The following TSPAN5 variants were observed in gnomAD, a reference collection of about 807,000 sequenced individuals.
TSPAN5 encodes tetraspanin-5.
Under a neutral mutation model 37.1 loss-of-function variants are expected in TSPAN5, and 10 were observed. That is an observed-to-expected ratio of 0.27 (90% CI 0.17 to 0.46). The LOEUF (loss-of-function observed/expected upper bound fraction) is 0.46. TSPAN5 is among the 20% of genes least tolerant of loss of function. The pLI is 1.00. For synonymous variants in TSPAN5, 110 were observed against 118.9 expected, an observed-to-expected ratio of 0.93 and a Z score of 0.48; for missense variants, 195 against 326.6, an observed-to-expected ratio of 0.60 and a Z score of 3.11.
chr4:98,553,736 AT>A (rs1394459943), intron 1 of TSPAN5, among the ~76,000 whole-genome samples: 10 of 152,250 alleles, frequency 6.6e-5, no homozygotes, highest in African/African-American at 1.9e-4. Flanking sequence ...CAAACTTCAG[AT>A]TTCAGCTAAT....
chr4:98,557,252 G>A (rs1754771682), intron 1 of TSPAN5, among the ~76,000 whole-genome samples: 1 of 152,236 alleles, frequency 6.6e-6, no homozygotes, highest in Non-Finnish European at 1.5e-5. Flanking sequence ...TAGGTCTGTG[G>A]TCTCCAAAAA....
At chr4:98,599,626 C>A (rs1227384044) in intron 1 of TSPAN5, among the ~76,000 whole-genome samples, 1 of 152,186 alleles carries the variant, frequency 6.6e-6, no homozygotes, top group Non-Finnish European at 1.5e-5. Flanking sequence ...GATTTGCTTT[C>A]TGTACCTACA....
Position 98,472,553 on chromosome 4 carries a change from C to T in TSPAN5, c.776G>A (p.Ser259Asn). Residue 259 changes from serine (S) to asparagine (N), a missense_variant, in exon 8 of 8, where the codon AGC becomes AAC. Ser to Asn is a conservative substitution (Grantham distance 46). Transcript: ENST00000305798. ...GCTCGCCCTGACAGCTTCGATATCG[C>T]TAACCAAATTCTGGGCCAGGCATAT... ...FGICLAQNLV[S>N]DIEAVRASW 1 of 1,613,996 alleles carries T rather than the reference C, an allele frequency of 6.2e-7. No individual in the cohort carries two copies. Among genetic ancestry groups the T allele is most frequent in the East Asian group, 2.2e-5 (1 of 44,866 alleles).
chr4:98,560,101 A>G (rs1273308807), intron 1 of TSPAN5: 1 of 152,226 alleles, frequency 6.6e-6, no homozygotes, highest in Non-Finnish European at 1.5e-5. Context: ...TCTAAATTCC[A>G]ATCAGATTTA....
intron 1 of TSPAN5, among the ~76,000 whole-genome samples, chr4:98,543,525 C>T (rs975493038): frequency 6.6e-6 from 1 of 151,572 alleles, no homozygotes; most frequent in African/African-American, 2.4e-5. Flanking sequence ...AAGCGATTCT[C>T]CTGCCTCAGC....
chr4:98,637,808 A>C (rs1756888134), intron 1 of TSPAN5, among the ~76,000 whole-genome samples: 1 of 152,246 alleles, frequency 6.6e-6, no homozygotes, highest in African/African-American at 2.4e-5. Flanking sequence ...CTTCAAGATG[A>C]TCTAAGTGTC....
At chr4:98,601,820 A>G (rs1755889408) in intron 1 of TSPAN5, among the ~76,000 whole-genome samples, 1 of 152,138 alleles carries the variant, frequency 6.6e-6, no homozygotes. Flanking sequence ...TTCCTCACTA[A>G]GCTTAATCAT....
chr4:98,491,353 A>G (rs1319114352), intron 2 of TSPAN5, among the ~76,000 whole-genome samples: 1 of 152,184 alleles, frequency 6.6e-6, no homozygotes, highest in Non-Finnish European at 1.5e-5. Flanking sequence ...ACCTAGCAGG[A>G]GAAAAAAAAC....
intron 1 of TSPAN5, among the ~76,000 whole-genome samples, chr4:98,569,387 G>C (rs914736790): frequency 6.6e-6 from 1 of 152,182 alleles, no homozygotes; most frequent in African/African-American, 2.4e-5. Flanking sequence ...TGGTCCTCAG[G>C]GGACCAAGGA....
At chr4:98,549,302 GT>G (rs1236454299) in intron 1 of TSPAN5, among the ~76,000 whole-genome samples, 8 of 116,292 alleles carry the variant, frequency 6.9e-5, no homozygotes, top group African/African-American at 9.7e-5. Flanking sequence ...GTTTGTTTTT[GT>G]TTTTTTTTGT....
In TSPAN5 at chr4:98,507,719, T is replaced by A; in HGVS notation, c.91A>T (p.Ile31Leu). The A allele has an allele frequency of 6.2e-7, 1 of 1,610,610 alleles. No individual in the cohort carries two copies. The highest frequency in any genetic ancestry group is 1.1e-5 in the South Asian group (1 of 90,164). Residue 31 changes from isoleucine (I) to leucine (L), a missense_variant, in exon 2 of 8, where the codon ATA (isoleucine) becomes TTA (leucine). Ile to Leu is a conservative substitution (Grantham distance 5). Coordinates refer to ENST00000305798, the MANE Select transcript of TSPAN5 (RefSeq NM_005723.4). The part of the protein sequence containing the change: ...GFNVIFWFLG[I>L]TFLGIGLWAW... ...CACAGTCCAATTCCAAGAAATGTTA[T>A]TCCCAAAAACTGAAAAAGAAAGAAA...
At chr4:98,474,488 C>A (rs1394736309) in intron 7 of TSPAN5, among the ~76,000 whole-genome samples, 1 of 152,122 alleles carries the variant, frequency 6.6e-6, no homozygotes, top group African/African-American at 2.4e-5. Flanking sequence ...GCTGGGACCA[C>A]AGGCATGCGC....
chr4:98,530,521 C>T (rs1050381178), intron 1 of TSPAN5, among the ~76,000 whole-genome samples: 2 of 152,164 alleles, frequency 1.3e-5, no homozygotes, highest in African/African-American at 4.8e-5. Flanking sequence ...CACACTCCAC[C>T]CCACCTGCAC....
chr4:98,535,465 T>A (rs1754209473), intron 1 of TSPAN5, among the ~76,000 whole-genome samples: 1 of 152,100 alleles, frequency 6.6e-6, no homozygotes, highest in South Asian at 2.1e-4. Context: ...GCCCTTAACA[T>A]TTTTTCCTTC....
At chr4:98,565,782 CCCT>C (rs1754991960) in intron 1 of TSPAN5, among the ~76,000 whole-genome samples, 1 of 152,150 alleles carries the variant, frequency 6.6e-6, no homozygotes, top group Non-Finnish European at 1.5e-5. Flanking sequence ...TGCCTGTGTT[CCCT>C]CCTTTTTCAG....
chr4:98,566,496 C>A (rs1560540076), intron 1 of TSPAN5, among the ~76,000 whole-genome samples: 1 of 152,106 alleles, frequency 6.6e-6, no homozygotes, highest in Non-Finnish European at 1.5e-5. Flanking sequence ...AAGGCTAGAG[C>A]CAAAACATGT....
intron 1 of TSPAN5, among the ~76,000 whole-genome samples, chr4:98,552,762 G>A (rs1006330226): frequency 6.6e-6 from 1 of 152,152 alleles, no homozygotes; most frequent in Non-Finnish European, 1.5e-5. Context: ...AACCACATGA[G>A]GATACCCTAA....
intron 1 of TSPAN5, among the ~76,000 whole-genome samples, chr4:98,531,186 C>A (rs990813044): frequency 2.0e-5 from 3 of 152,198 alleles, no homozygotes; most frequent in Non-Finnish European, 4.4e-5. Context: ...CTGTCACCTA[C>A]ATTAGGTATT....
At chr4:98,486,265 C>A (rs1240180040) in intron 3 of TSPAN5, among the ~76,000 whole-genome samples, 1 of 152,134 alleles carries the variant, frequency 6.6e-6, no homozygotes, top group Non-Finnish European at 1.5e-5. Flanking sequence ...GACAAAGAAG[C>A]TTTACCTTTT....
Sources: allele counts gnomAD v4.1 joint callset (sites outside exome capture counted in the v4.1 genomes callset), GRCh38; gene constraint gnomAD v4.1.1; transcripts MANE v1.5; gene names NCBI Gene and HGNC (gene_info 2026-07-23, HGNC 2026-07-21).